BTN2A2: variants seen among roughly 807,000 people sequenced by gnomAD.
BTN2A2 encodes butyrophilin subfamily 2 member A2.
In BTN2A2, 29 loss-of-function variants were observed where a neutral mutation model predicts 34.7. That is an observed-to-expected ratio of 0.84 (90% confidence interval 0.62 to 1.14). The LOEUF is 1.14. Ranked by LOEUF, BTN2A2 falls within the 50% of genes most tolerant of loss-of-function variation. The probability of loss-of-function intolerance (pLI) is 0.00; values close to 1 mark genes in which losing one functional copy is unlikely to be tolerated. For missense variants in BTN2A2, 612 were observed against 651.5 expected, an observed-to-expected ratio of 0.94 and a Z score of 0.66; for synonymous variants, 240 against 253.1, an observed-to-expected ratio of 0.95 and a Z score of 0.49.
At position 26,388,207 on chromosome 6, in the gene BTN2A2, A is replaced by T. The variant is rs770260177; in HGVS notation, c.637A>T (p.Ile213Phe). Reference sequence around the variant, plus strand: ...CTTCATGGTCACCACAGCTGTGATCATCAGAGACAAGTATGTGAGGAATGT... The same window carrying T: ...CTTCATGGTCACCACAGCTGTGATCTTCAGAGACAAGTATGTGAGGAATGT... ...GLFMVTTAVI[I>F]RDKYVRNVSC... The change falls in exon 4 of 8, where the codon ATC becomes TTC. Residue 213 changes from isoleucine to phenylalanine, a missense_variant. Coordinates refer to ENST00000356709, the MANE Select transcript of BTN2A2 (RefSeq NM_006995.5). 6.2e-7 allele frequency: 1 copy of T among 1,614,238 alleles called. No individual in the cohort carries two copies. Among genetic ancestry groups the T allele is most frequent in the Admixed American group, 1.7e-5 (1 of 60,032 alleles).
intron 3 of BTN2A2, among the ~76,000 whole-genome samples, 179 bp from the exon 4 acceptor site, chr6:26,387,834 T>G (rs1374583860): frequency 6.6e-6 from 1 of 152,154 alleles, no homozygotes; most frequent in Non-Finnish European, 1.5e-5. Context: ...GGCCTTCAGG[T>G]GGAGCATAAA....
chr6:26,389,251 G>GA, intron 4 of BTN2A2, among the ~76,000 whole-genome samples: 1 of 152,306 alleles, frequency 6.6e-6, no homozygotes, highest in South Asian at 2.1e-4. Context: ...TAAGCAAAGA[G>GA]AAAATAGAGA....
chr6:26,387,973 T>C (rs780808399), intron 3 of BTN2A2, 40 bp from the exon 4 acceptor site: 4 of 1,579,054 alleles, frequency 2.5e-6, no homozygotes, highest in Non-Finnish European at 3.4e-6. Flanking sequence ...GGGGCTAAGA[T>C]ACCACTGCCT....
chr6:26,390,926 A>G (rs1761540191), intron 7 of BTN2A2, 97 bp downstream of exon 7: 1 of 1,580,500 alleles, frequency 6.3e-7, no homozygotes, highest in South Asian at 1.1e-5. Context: ...CCAGGGCTAC[A>G]CAGGGACCAT....
intron 4 of BTN2A2, 67 bp downstream of exon 4, chr6:26,388,361 G>C: frequency 6.4e-7 from 1 of 1,568,034 alleles, no homozygotes; most frequent in Non-Finnish European, 8.7e-7. Flanking sequence ...ATGGAGCCCA[G>C]AGCGGGAATG....
chr6:26,385,275 G>A lies in BTN2A2; in HGVS notation c.355G>A (p.Val119Ile), dbSNP rs577086730. The A allele has an allele frequency of 2.0e-5, 32 of 1,614,136 alleles. No individual in the cohort carries two copies. Among genetic ancestry groups the A allele is most frequent in the East Asian group, 6.7e-5 (3 of 44,878 alleles). ...CAGCGTGGCCCTGGTCATACATAAC[G>A]TCACAGCCCAGGAGAATGGGATCTA... ...RGSVALVIHN[V>I]TAQENGIYRC... Residue 119 changes from valine (V) to isoleucine (I), a missense_variant, in exon 3 of 8, where the codon GTC becomes ATC. Physicochemically the swap from Val to Ile is conservative, Grantham distance 29. Transcript: ENST00000356709.
At position 26,383,648 on chromosome 6, in the gene BTN2A2, C is replaced by T; in HGVS notation, c.-30-144C>T. 1.5e-6 allele frequency: 1 copy of T among 671,552 alleles called. No homozygotes were observed. Among genetic ancestry groups the T allele is most frequent in the South Asian group, 1.8e-5 (1 of 55,204 alleles). 41.6% of individuals were successfully genotyped at this position (671,552 alleles called of 1,614,324 possible). On this transcript the variant is annotated intron_variant, in intron 1 of 7. Coordinates refer to ENST00000356709, the MANE Select transcript of BTN2A2 (RefSeq NM_006995.5). This position sits in a 1 kb window ranked among gnomAD's most constrained non-coding sequence, Gnocchi z 4.4. ...TGGAATGTTTACGGAATCCCTCTTT[C>T]GGAGATACCTGAGCCTTGAGATGCA...
chr6:26,387,004 CAGG>C (rs1264864504), intron 3 of BTN2A2, among the ~76,000 whole-genome samples: 10 of 152,288 alleles, frequency 6.6e-5, no homozygotes, highest in South Asian at 4.1e-4. Flanking sequence ...AGGAATTATT[CAGG>C]AGAAGTTTGG....
Position 26,394,428 on chromosome 6 carries a change from G to A in BTN2A2, c.*1461G>A. ...GGAAATTCTCTCCTTCTGTTGGCTG[G>A]GTGCCCAATACAACAAAAAGGCAGA... is the stretch of plus-strand genomic sequence containing the variant. On this transcript the variant is annotated 3_prime_UTR_variant, in exon 8 of 8. Transcript: ENST00000356709. 4 of 658,594 alleles carry A rather than the reference G, an allele frequency of 6.1e-6. No individual in the cohort carries two copies. The highest frequency in any genetic ancestry group is 4.9e-5 in the South Asian group (3 of 61,300). 40.8% of individuals were successfully genotyped at this position (658,594 alleles called of 1,614,324 possible). A position where few individuals can be genotyped will look rare whatever the true frequency, so the allele number is the denominator to read the frequency against.
intron 4 of BTN2A2, 73 bp from the exon 5 acceptor site, chr6:26,389,931 GA>G: frequency 4.2e-6 from 6 of 1,439,282 alleles, no homozygotes; most frequent in Non-Finnish European, 5.7e-6. Flanking sequence ...GAGCTCTTCA[GA>G]TGTGCTCTTA....
At position 26,388,143 on chromosome 6, in the gene BTN2A2, C is replaced by G; in HGVS notation, c.573C>G (p.Pro191=). ...VWRDPYGEVV[P]ALKEVSIADA... ...GGGACCCCTACGGTGAGGTTGTGCC[C>G]GCCCTGAAGGAGGTTTCCATCGCTG... The change falls in exon 4 of 8, where the codon CCC becomes CCG. Residue 191 remains proline, a synonymous_variant. Coordinates refer to ENST00000356709, the MANE Select transcript of BTN2A2 (RefSeq NM_006995.5). The G allele has an allele frequency of 1.2e-6, 2 of 1,614,160 alleles. No individual in the cohort carries two copies. Among genetic ancestry groups the G allele is most frequent in the Non-Finnish European group, 1.7e-6 (2 of 1,180,030 alleles).
At chr6:26,389,924 C>T (rs759626765) in intron 4 of BTN2A2, 81 bp from the exon 5 acceptor site, 2 of 1,338,986 alleles carry the variant, frequency 1.5e-6, no homozygotes, top group East Asian at 2.3e-5. Flanking sequence ...GGCTGAGGAG[C>T]TCTTCAGATG....
At chr6:26,391,878 A>G (rs1761599013) in intron 7 of BTN2A2, 1 of 224,916 alleles carries the variant, frequency 4.4e-6, no homozygotes, top group South Asian at 8.1e-5. Flanking sequence ...ACCTATTAAA[A>G]CAACCTATAG....
In BTN2A2 at chr6:26,392,533, G is replaced by A; in HGVS notation, c.1138G>A (p.Gly380Arg). The A allele has an allele frequency of 1.2e-6, 2 of 1,614,226 alleles. No individual in the cohort carries two copies. The highest frequency in any genetic ancestry group is 2.2e-5 in the East Asian group (1 of 44,880). ...CVLGWESFAS[G>R]KHYWEVEVEN... ...CCTGGGATGGGAGAGCTTCGCCTCA[G>A]GGAAACATTACTGGGAGGTGGAGGT... Residue 380 changes from glycine to arginine, a missense_variant, in exon 8 of 8, where the codon GGG (glycine) becomes AGG (arginine). Physicochemically the swap from Gly to Arg is moderately radical, Grantham distance 125. Coordinates refer to ENST00000356709, the MANE Select transcript of BTN2A2 (RefSeq NM_006995.5).
intron 3 of BTN2A2, among the ~76,000 whole-genome samples, chr6:26,386,320 A>G (rs1249945846): frequency 1.3e-5 from 2 of 152,020 alleles, no homozygotes; most frequent in African/African-American, 4.8e-5. Flanking sequence ...TCAGTGTTGC[A>G]GTTAGTGTAT....
Position 26,384,270 on chromosome 6 carries a change from C to T in BTN2A2, c.94+355C>T, listed in dbSNP as rs1761043032. The stretch of plus-strand genomic sequence containing the variant: ...GCTCAAGGGATCCTCCCATCTCAGC[C>T]TCCCAAGTAGCTGAGAGTACAAGCA... On this transcript the variant is annotated intron_variant, in intron 2 of 7. Coordinates refer to ENST00000356709, the MANE Select transcript of BTN2A2 (RefSeq NM_006995.5). This position sits in a 1 kb window ranked among gnomAD's most constrained non-coding sequence, Gnocchi z 4.0. Among the ~76,000 whole-genome samples the T allele has an allele frequency of 6.6e-6, 1 of 152,170 alleles. No individual in the cohort carries two copies. Among genetic ancestry groups the T allele is most frequent in the Non-Finnish European group, 1.5e-5 (1 of 68,030 alleles).
intron 5 of BTN2A2, chr6:26,390,435 T>A: frequency 1.5e-6 from 1 of 675,588 alleles, no homozygotes; most frequent in South Asian, 1.9e-5. Flanking sequence ...CTGCACACAT[T>A]ACATTCATTC....
In BTN2A2 at chr6:26,384,060, T is replaced by C; in HGVS notation, c.94+145T>C. The stretch of plus-strand genomic sequence containing the variant: ...GTTCACTGAATTTATACCAGCACTG[T>C]CCAAAAGAAACACAGTGAAGCACAA... On this transcript the variant is annotated intron_variant, in intron 2 of 7. Coordinates refer to ENST00000356709, the MANE Select transcript of BTN2A2 (RefSeq NM_006995.5). The surrounding 1 kb of genome is among the most constrained non-coding windows in gnomAD (Gnocchi z 4.0). 2 of 987,176 alleles carry C rather than the reference T, an allele frequency of 2.0e-6. No individual in the cohort carries two copies. Among genetic ancestry groups the C allele is most frequent in the East Asian group, 2.6e-5 (1 of 38,620 alleles). The allele number at this position is 987,176 out of a possible 1,614,324, so 61.2% of individuals were successfully genotyped here.
Position 26,392,707 on chromosome 6 carries a change from C to T in BTN2A2, c.1312C>T (p.Pro438Ser). ...CCTGTCCTCCCCTGAGAGGATTCTC[C>T]CTTTGAAGGAGTCCCTTTGCCGGGT... ...RALSSPERILPLKESLCRVGV... is the reference protein window; with the variant it reads ...RALSSPERILSLKESLCRVGV... The change falls in exon 8 of 8, where the codon CCT becomes TCT. Residue 438 changes from proline (P) to serine (S), a missense_variant. By Grantham distance (74) the Pro-to-Ser change is moderately conservative. Transcript: ENST00000356709. 6.2e-7 allele frequency: 1 copy of T among 1,614,182 alleles called. No homozygotes were observed. The highest frequency in any genetic ancestry group is 8.5e-7 in the Non-Finnish European group (1 of 1,180,026).
Sources: gnomAD v4.1 joint callset for allele counts (sites outside exome capture counted in the v4.1 genomes callset) on GRCh38, gnomAD v4.1.1 for gene constraint, Gnocchi (gnomAD v3.1) non-coding constraint, MANE v1.5 for transcripts, NCBI Gene and HGNC (gene_info 2026-07-23, HGNC 2026-07-21) for gene names.